Variants in GALC observed in about 807,000 individuals in gnomAD.
GALC encodes the protein galactosylceramidase.
GALC carries 77 observed loss-of-function variants against 91.8 expected under a neutral mutation model. The observed-to-expected ratio is 0.84, with a 90% CI of 0.70 to 1.01. The LOEUF (loss-of-function observed/expected upper bound fraction) is 1.01. GALC is among the 50% of genes least tolerant of loss of function. The probability of loss-of-function intolerance (pLI) is 0.00; values close to 1 mark genes in which losing one functional copy is unlikely to be tolerated. For synonymous variants in GALC, 357 were observed against 306.7 expected, an observed-to-expected ratio of 1.16 and a Z score of -1.71; for missense variants, 882 against 855.9, an observed-to-expected ratio of 1.03 and a Z score of -0.38.
chr14:87,959,298 TA>T (rs1885697172), intron 10 of GALC, among the ~76,000 whole-genome samples: 1 of 152,088 alleles, frequency 6.6e-6, no homozygotes, highest in South Asian at 2.1e-4. Context: ...TTAGAATGGC[TA>T]TTACCAAAAA....
At chr14:87,965,680 T>G in intron 8 of GALC, 51 bp from the exon 9 acceptor site, 4 of 1,595,078 alleles carry the variant, frequency 2.5e-6, no homozygotes, top group Non-Finnish European at 3.4e-6. Context: ...GATAAAAATG[T>G]AAATGTCTAA....
At chr14:87,968,285 G>T in intron 8 of GALC, 50 bp downstream of exon 8, 1 of 1,480,138 alleles carries the variant, frequency 6.8e-7, no homozygotes, top group Admixed American at 1.9e-5. Context: ...TAACTCTTAT[G>T]TTTTTAAATT....
At chr14:87,982,426 A>T (rs1450115508) in intron 5 of GALC, among the ~76,000 whole-genome samples, 183 bp from the exon 6 acceptor site, 1 of 152,176 alleles carries the variant, frequency 6.6e-6, no homozygotes, top group African/African-American at 2.4e-5. Context: ...CTTTTTAAAA[A>T]TTAAAATATT....
At chr14:87,991,445 G>A (rs1365856156) in intron 1 of GALC, among the ~76,000 whole-genome samples, 24 of 152,110 alleles carry the variant, frequency 1.6e-4, no homozygotes. Flanking sequence ...CTCGTGATCC[G>A]CCCGCCTCGG....
chr14:87,951,554 C>T (rs1162898442), intron 10 of GALC, among the ~76,000 whole-genome samples: 1 of 151,850 alleles, frequency 6.6e-6, no homozygotes, highest in Non-Finnish European at 1.5e-5. Flanking sequence ...TTCAAGCGCA[C>T]ATGGAACACT....
rs74073730 is a variant in GALC, at chr14:87,963,473, G to A, written c.1072C>T (p.Leu358=). ...TTCTCTAAATGGCCAACTGTCTTCA[G>A]GTAATACCAGCCAGGTTGAGTAAAC... ...TQFTQPGWYY[L]KTVGHLEKGG... The change falls in exon 10 of 17, where the codon CTG becomes TTG. Residue 358 remains leucine (L), a synonymous_variant. Coordinates refer to ENST00000261304, the MANE Select transcript of GALC (RefSeq NM_000153.4). The A allele has an allele frequency of 3.0e-3, 4,827 of 1,612,984 alleles. 133 individuals carry two copies. The African/African-American group carries it at 0.057, about 19-fold the overall frequency.
intron 2 of GALC, 22 bp downstream of exon 2, chr14:87,988,433 G>A: frequency 1.3e-6 from 2 of 1,492,568 alleles, no homozygotes; most frequent in East Asian, 2.3e-5. Context: ...CAGGTACCAT[G>A]AAATAATTAT....
At chr14:87,993,518 C>T (rs143311829), upstream of GALC, 2 of 1,510,890 alleles carry the variant, frequency 1.3e-6, no homozygotes, top group African/African-American at 1.4e-5. Flanking sequence ...GTATCTACCT[C>T]GTGCGAGGAC....
Position 87,988,156 on chromosome 14 carries a change from C to T in GALC, c.316G>A (p.Gly106Arg), listed in dbSNP as rs749615956. Residue 106 changes from glycine (G) to arginine (R), a missense_variant, in exon 3 of 17, where the codon GGG (glycine) becomes AGG (arginine). By Grantham distance (125) the Gly-to-Arg change is moderately radical (BLOSUM62 -2). Coordinates refer to ENST00000261304, the MANE Select transcript of GALC (RefSeq NM_000153.4). ...HILKVEIGGD[G>R]QTTDGTEPSH... ...CAAATTCTCCTACCTGTTGTCTGCC[C>T]ATCACCACCTATTTCCACTTTTAAA... is the stretch of plus-strand genomic sequence containing the variant. 1.9e-6 allele frequency: 3 copies of T among 1,613,668 alleles called. No individual in the cohort carries two copies. Among genetic ancestry groups the T allele is most frequent in the Non-Finnish European group, 2.5e-6 (3 of 1,179,762 alleles).
At chr14:87,976,330 C>T (rs1886490307) in intron 7 of GALC, 28 bp downstream of exon 7, 3 of 1,612,748 alleles carry the variant, frequency 1.9e-6, no homozygotes, top group East Asian at 4.5e-5. Context: ...TCAGAAACTG[C>T]TAGTTTTCCA....
At chr14:87,986,404 T>C (rs1280989537) in intron 4 of GALC, 85 bp downstream of exon 4, 2 of 840,356 alleles carry the variant, frequency 2.4e-6, no homozygotes, top group Non-Finnish European at 4.0e-6. Context: ...TACTTCCGTA[T>C]TAATAGAGAT....
intron 10 of GALC, chr14:87,952,941 A>ACTG: frequency 1.1e-6 from 1 of 886,758 alleles, no homozygotes; most frequent in Non-Finnish European, 1.9e-6. Flanking sequence ...TGAACAGCCT[A>ACTG]AACATCAGTC....
intron 13 of GALC, 85 bp downstream of exon 13, chr14:87,947,643 A>G (rs1885125079): frequency 7.6e-7 from 1 of 1,321,908 alleles, no homozygotes. Context: ...CAGCCACTCC[A>G]TCATGCACCC....
chr14:87,975,298 G>A (rs947390957), intron 7 of GALC, among the ~76,000 whole-genome samples: 2 of 151,920 alleles, frequency 1.3e-5, no homozygotes, highest in African/African-American at 4.8e-5. Flanking sequence ...AAAAGAGCAA[G>A]AACATAAAGA....
At chr14:87,992,622 T>A in intron 1 of GALC, 1 of 1,448,220 alleles carries the variant, frequency 6.9e-7, no homozygotes, top group Non-Finnish European at 9.0e-7. Context: ...CCGACTGCCA[T>A]CTCCGCGATG....
rs571022339 is a variant in GALC, at chr14:87,933,295, T to A, written c.*1437A>T. On this transcript the variant is annotated 3_prime_UTR_variant, in exon 17 of 17. Transcript: ENST00000261304. Reference sequence around the variant, plus strand: ...GCCAACAATTGGGAGTGAAAGGAACTGACTGAGCAGGTATACAAGAGAACC... The same window carrying A: ...GCCAACAATTGGGAGTGAAAGGAACAGACTGAGCAGGTATACAAGAGAACC... 1 of 152,668 alleles carries A rather than the reference T, an allele frequency of 6.6e-6. No individual in the cohort carries two copies. Among genetic ancestry groups the A allele is most frequent in the Non-Finnish European group, 1.5e-5 (1 of 68,004 alleles). The allele number at this position is 152,668 out of a possible 1,614,324, so 9.5% of individuals were successfully genotyped here.
rs1220993077 is a variant in GALC at position 87,986,606 on chromosome 14, A to C, written c.329-4T>G. On this transcript the variant is annotated splice_polypyrimidine_tract_variant and splice_region_variant and intron_variant, in intron 3 of 16. Transcript: ENST00000261304. ...ATGTGGGAGGGCTCAGTGCCGTCTG[A>C]ATAGAGGAGAGCAAAAACGGAAGTA... is the stretch of plus-strand genomic sequence containing the variant. 8.8e-6 allele frequency: 14 copies of C among 1,589,024 alleles called. No homozygotes were observed. The highest frequency in any genetic ancestry group is 1.2e-5 in the Non-Finnish European group (14 of 1,157,416).
intron 10 of GALC, among the ~76,000 whole-genome samples, chr14:87,956,580 C>T (rs1234076750): frequency 7.9e-6 from 1 of 127,078 alleles, no homozygotes; most frequent in Non-Finnish European, 1.7e-5. Context: ...TATATACACA[C>T]ACACCATATA....
At position 87,993,072 on chromosome 14, in the gene GALC, C is replaced by T. The variant is rs998552856; in HGVS notation, c.93G>A (p.Leu31=). The change falls in exon 1 of 17, where the codon TTG becomes TTA. Residue 31 remains leucine (L), a synonymous_variant. Coordinates refer to ENST00000261304, the MANE Select transcript of GALC (RefSeq NM_000153.4). The stretch of plus-strand genomic sequence containing the variant: ...CGGGCGCCAGCAGCGCACACAGCAG[C>T]AAGGGCACCGCGGCGCGGCCCGCCG... The part of the protein sequence containing the change: ...AGSAGRAAVP[L]LLCALLAPGG... The T allele has an allele frequency of 1.3e-6, 2 of 1,578,798 alleles. No individual in the cohort carries two copies. Among genetic ancestry groups the T allele is most frequent in the Non-Finnish European group, 1.7e-6 (2 of 1,163,398 alleles).
Sources: allele counts gnomAD v4.1 joint callset (sites outside exome capture counted in the v4.1 genomes callset), GRCh38; gene constraint gnomAD v4.1.1; transcripts MANE v1.5; gene names NCBI Gene and HGNC (gene_info 2026-07-23, HGNC 2026-07-21).